PHACTR3: variants seen among roughly 807,000 people sequenced by gnomAD.
PHACTR3 encodes the protein protein phosphatase 1, regulatory subunit 123.
PHACTR3 carries 16 observed loss-of-function variants against 66.8 expected under a neutral mutation model. The ratio of observed to expected loss-of-function variants is 0.24; its 90% CI spans 0.16 to 0.36. The LOEUF (loss-of-function observed/expected upper bound fraction) is 0.36, where lower values mean the gene tolerates loss of function less well. PHACTR3 is among the 10% of genes least tolerant of loss of function. PHACTR3 has a pLI of 1.00. For synonymous variants in PHACTR3, 323 were observed against 292.1 expected, an observed-to-expected ratio of 1.11 and a Z score of -1.08; for missense variants, 647 against 719.9, an observed-to-expected ratio of 0.90 and a Z score of 1.16.
rs141293578 is a variant in PHACTR3, at chr20:59,826,810, C to T, written c.1329-9695C>T. On this transcript the variant is annotated intron_variant, in intron 8 of 12. Transcript: ENST00000371015. ...TGGCCTTTCTTCCTCACTCCACTTT[C>T]CTCCTTTCAAAAGTAGCATTGGCAG... Among the ~76,000 whole-genome samples, 549 of 152,318 alleles carry T rather than the reference C, an allele frequency of 3.6e-3. 5 individuals carry two copies. Among genetic ancestry groups the T allele is most frequent in the African/African-American group, 0.012 (506 of 41,564 alleles).
At chr20:59,660,658 A>G (rs1433672721) in intron 1 of PHACTR3, among the ~76,000 whole-genome samples, 4 of 152,270 alleles carry the variant, frequency 2.6e-5, no homozygotes, top group Non-Finnish European at 5.9e-5. Context: ...GAAAGCAGTC[A>G]GCTGGCAAAT....
intron 1 of PHACTR3, among the ~76,000 whole-genome samples, chr20:59,671,658 A>G (rs996774656): frequency 8.5e-5 from 13 of 152,238 alleles, no homozygotes; most frequent in African/African-American, 2.9e-4. Flanking sequence ...GCCAGGCTAG[A>G]GGGTTCATGA....
chr20:59,789,838 C>T (rs749050704), intron 7 of PHACTR3, among the ~76,000 whole-genome samples: 2 of 152,176 alleles, frequency 1.3e-5, no homozygotes, highest in Admixed American at 6.5e-5. Flanking sequence ...CTCCCTCTAC[C>T]CAAATGCCAA....
At chr20:59,598,583 G>A (rs1355705744) in intron 1 of PHACTR3, among the ~76,000 whole-genome samples, 1 of 152,206 alleles carries the variant, frequency 6.6e-6, no homozygotes, top group African/African-American at 2.4e-5. Flanking sequence ...TCAGGGCAGA[G>A]GCCATGAATG....
intron 1 of PHACTR3, among the ~76,000 whole-genome samples, chr20:59,700,891 G>A (rs938750541): frequency 6.6e-5 from 10 of 152,134 alleles, no homozygotes; most frequent in African/African-American, 1.9e-4. Flanking sequence ...CTGGGCTCAA[G>A]GGATCCTCCC....
chr20:59,792,570 CA>C (rs1313384845), intron 7 of PHACTR3, among the ~76,000 whole-genome samples: 35 of 152,296 alleles, frequency 2.3e-4, no homozygotes, highest in Non-Finnish European at 3.8e-4. Flanking sequence ...TGCAGAATTC[CA>C]CAGACTTAGC....
chr20:59,582,616 A>T (rs1952574885), intron 1 of PHACTR3, among the ~76,000 whole-genome samples: 1 of 152,218 alleles, frequency 6.6e-6, no homozygotes, highest in Non-Finnish European at 1.5e-5. Flanking sequence ...AAATTTTGCC[A>T]ATCCTCCAGA....
chr20:59,602,530 G>A (rs909450648), upstream of PHACTR3, among the ~76,000 whole-genome samples: 1 of 151,968 alleles, frequency 6.6e-6, no homozygotes, highest in Non-Finnish European at 1.5e-5. Context: ...AGGGATGGAA[G>A]GATAGGTTTT....
intron 1 of PHACTR3, among the ~76,000 whole-genome samples, chr20:59,596,005 C>A (rs968085821): frequency 6.6e-6 from 1 of 152,202 alleles, no homozygotes; most frequent in Non-Finnish European, 1.5e-5. Context: ...GTAGGCAGAA[C>A]GCAGTTCAAG....
At chr20:59,660,549 A>G (rs1164518126) in intron 1 of PHACTR3, among the ~76,000 whole-genome samples, 2 of 152,190 alleles carry the variant, frequency 1.3e-5, no homozygotes, top group Non-Finnish European at 2.9e-5. Flanking sequence ...TTCACATTCT[A>G]ATCTGTCATC....
chr20:59,801,657 C>T (rs1012005760), intron 7 of PHACTR3, among the ~76,000 whole-genome samples: 11 of 152,158 alleles, frequency 7.2e-5, no homozygotes, highest in Non-Finnish European at 8.8e-5. Context: ...CAGATCACTC[C>T]GCAGCTTTTG....
chr20:59,680,346 C>T (rs11696883), intron 1 of PHACTR3, among the ~76,000 whole-genome samples: 4,272 of 152,086 alleles, frequency 0.028, 80 homozygotes, highest in Middle Eastern at 0.065. Context: ...AGAAACGGTC[C>T]AGTGGTGGCA....
At chr20:59,600,879 G>A (rs2033458990), upstream of PHACTR3, among the ~76,000 whole-genome samples, 3 of 151,852 alleles carry the variant, frequency 2.0e-5, no homozygotes, top group Admixed American at 1.3e-4. Flanking sequence ...TGTTGATTAT[G>A]CCCACCAGGG....
intron 1 of PHACTR3, among the ~76,000 whole-genome samples, chr20:59,676,373 G>T (rs981537893): frequency 6.6e-6 from 1 of 152,242 alleles, no homozygotes; most frequent in Non-Finnish European, 1.5e-5. Flanking sequence ...TGGGCGCCTG[G>T]CCCTGAGCAG....
At chr20:59,674,503 G>C (rs1012353294) in intron 1 of PHACTR3, among the ~76,000 whole-genome samples, 1 of 101,234 alleles carries the variant, frequency 9.9e-6, no homozygotes. Flanking sequence ...CCCTTCTCCT[G>C]TTCCCCCTTC....
At chr20:59,596,243 C>A (rs2033323795) in intron 1 of PHACTR3, among the ~76,000 whole-genome samples, 1 of 152,194 alleles carries the variant, frequency 6.6e-6, no homozygotes, top group South Asian at 2.1e-4. Context: ...TCAAGCGATT[C>A]TCCTGGCTCA....
intron 8 of PHACTR3, among the ~76,000 whole-genome samples, chr20:59,826,188 T>G: frequency 7.7e-6 from 1 of 129,928 alleles, no homozygotes; most frequent in Non-Finnish European, 1.6e-5. Flanking sequence ...AGGAGGGAGA[T>G]CAGTGGGGTG....
chr20:59,630,784 C>A (rs968369776), intron 1 of PHACTR3, among the ~76,000 whole-genome samples: 3 of 152,008 alleles, frequency 2.0e-5, no homozygotes, highest in African/African-American at 7.2e-5. Context: ...CCTCAAGGAG[C>A]TTGTACTGTC....
chr20:59,610,848 T>G (rs1207658969), intron 1 of PHACTR3, among the ~76,000 whole-genome samples: 2 of 152,244 alleles, frequency 1.3e-5, no homozygotes, highest in East Asian at 3.9e-4. Context: ...GTGACTGGTG[T>G]GGTCTTGAGC....
Sources: allele counts gnomAD v4.1 joint callset (sites outside exome capture counted in the v4.1 genomes callset), GRCh38; gene constraint gnomAD v4.1.1; transcripts MANE v1.5; gene names NCBI Gene and HGNC (gene_info 2026-07-23, HGNC 2026-07-21).